TRIP4: variants seen among roughly 807,000 people sequenced by gnomAD.
TRIP4 encodes activating signal cointegrator 1.
TRIP4 carries 54 observed loss-of-function variants against 81.8 expected under a neutral mutation model. The ratio of observed to expected loss-of-function variants is 0.66; its 90% CI spans 0.53 to 0.83. The LOEUF is 0.83. Among genes scored for constraint, TRIP4 ranks in the 40% least tolerant of loss-of-function variants. TRIP4 has a pLI of 0.00. For missense variants in TRIP4, 662 were observed against 683.6 expected (o/e 0.97, Z 0.35); for synonymous variants, 270 against 242.8 (o/e 1.11, Z -1.04).
In TRIP4 at chr15:64,387,874, C is replaced by T. The variant is rs753060339; in HGVS notation, c.11C>T (p.Ala4Val). Residue 4 changes from alanine to valine, a missense_variant, in exon 1 of 13, where the codon GCT becomes GTT. By Grantham distance (64) the Ala-to-Val change is moderately conservative. Transcript: ENST00000261884. MAV[A>V]GAVSGEPLVH... ...TTCCGGCTGGGGAAGATGGCGGTGG[C>T]TGGGGCGGTGTCCGGGGAGCCGCTG... is the stretch of plus-strand genomic sequence containing the variant. 3.0e-5 allele frequency: 47 copies of T among 1,546,578 alleles called. No individual in the cohort carries two copies. The highest frequency in any genetic ancestry group is 1.7e-4 in the Middle Eastern group (1 of 5,766).
At position 64,414,512 on chromosome 15, in the gene TRIP4, C is replaced by T. The variant is rs1222139698; in HGVS notation, c.1170+301C>T. Among the ~76,000 whole-genome samples, 8 of 87,054 alleles carry T rather than the reference C, an allele frequency of 9.2e-5. No individual in the cohort carries two copies. In the East Asian group the frequency reaches 1.2e-3, roughly 13 times the overall value. The allele number at this position is 87,054 out of a possible 152,430, so 57.1% of individuals were successfully genotyped here. On this transcript the variant is annotated intron_variant, in intron 8 of 12. Coordinates refer to ENST00000261884, the MANE Select transcript of TRIP4 (RefSeq NM_016213.5). Reference sequence around the variant, plus strand: ...TGGTTCTTTTGTTAATGCTCTTTCTCTTTTTTTTTTTTTTTTTTTTTTGAG... The same window carrying T: ...TGGTTCTTTTGTTAATGCTCTTTCTTTTTTTTTTTTTTTTTTTTTTTTGAG...
intron 10 of TRIP4, chr15:64,424,452 A>G: frequency 3.6e-6 from 1 of 279,200 alleles, no homozygotes; most frequent in South Asian, 5.5e-5. Flanking sequence ...AAACTCTGAG[A>G]TCCTTACATT....
rs869202504 is a variant in TRIP4, at chr15:64,414,512, C to CTTTTTTT, written c.1170+317_1170+323dup. Among the ~76,000 whole-genome samples, 119 of 87,008 alleles carry CTTTTTTT rather than the reference C, an allele frequency of 1.4e-3. 2 individuals carry two copies. Among genetic ancestry groups the CTTTTTTT allele is most frequent in the Admixed American group, 1.8e-3 (10 of 5,522 alleles). 57.1% of individuals were successfully genotyped at this position (87,008 alleles called of 152,430 possible). On this transcript the variant is annotated intron_variant, in intron 8 of 12. Transcript: ENST00000261884. Reference sequence around the variant, plus strand: ...TGGTTCTTTTGTTAATGCTCTTTCTCTTTTTTTTTTTTTTTTTTTTTTGAG... The same window carrying CTTTTTTT: ...TGGTTCTTTTGTTAATGCTCTTTCTCTTTTTTTTTTTTTTTTTTTTTTTTTTTTTGAG...
At chr15:64,433,949 A>G (rs1176196714) in intron 11 of TRIP4, among the ~76,000 whole-genome samples, 1 of 151,968 alleles carries the variant, frequency 6.6e-6, no homozygotes, top group Non-Finnish European at 1.5e-5. Flanking sequence ...AGTTATCGTT[A>G]GTGTATTTTA....
chr15:64,402,532 T>A (rs986616006), intron 5 of TRIP4, among the ~76,000 whole-genome samples: 11 of 150,746 alleles, frequency 7.3e-5, no homozygotes, highest in African/African-American at 2.7e-4. Flanking sequence ...CATTTTTTTT[T>A]TTTTTTCTGA....
At chr15:64,441,304 G>C (rs1596360935) in intron 11 of TRIP4, among the ~76,000 whole-genome samples, 1 of 151,952 alleles carries the variant, frequency 6.6e-6, no homozygotes, top group African/African-American at 2.4e-5. Flanking sequence ...CCAATTCATT[G>C]CGTTTTTATT....
intron 11 of TRIP4, among the ~76,000 whole-genome samples, chr15:64,436,622 A>C (rs1286642558): frequency 6.6e-6 from 1 of 151,428 alleles, no homozygotes; most frequent in Non-Finnish European, 1.5e-5. Flanking sequence ...TACTCTCTGA[A>C]GTCTTCCCTA....
intron 8 of TRIP4, among the ~76,000 whole-genome samples, chr15:64,416,757 T>C (rs560031316): frequency 6.6e-6 from 1 of 152,290 alleles, no homozygotes; most frequent in Non-Finnish European, 1.5e-5. Context: ...TTTTCATATT[T>C]TATGTCTCCC....
chr15:64,417,079 C>G (rs1468317951), intron 8 of TRIP4, among the ~76,000 whole-genome samples: 1 of 152,126 alleles, frequency 6.6e-6, no homozygotes, highest in African/African-American at 2.4e-5. Flanking sequence ...ATGATCATAG[C>G]TCACTGCAGC....
At chr15:64,396,616 A>G (rs1289334218) in intron 3 of TRIP4, among the ~76,000 whole-genome samples, 2 of 152,016 alleles carry the variant, frequency 1.3e-5, no homozygotes, top group Admixed American at 6.6e-5. Context: ...ATTCATCTCT[A>G]CTCTGGGCAG....
chr15:64,418,232 C>T (rs1361215567), intron 8 of TRIP4, among the ~76,000 whole-genome samples: 2 of 152,138 alleles, frequency 1.3e-5, no homozygotes, highest in Non-Finnish European at 2.9e-5. Flanking sequence ...CTGCCTCTGC[C>T]TCATGAGTAG....
At position 64,436,124 on chromosome 15, in the gene TRIP4, G is replaced by A. The variant is rs1245618133; in HGVS notation, c.1576-8882G>A. Among the ~76,000 whole-genome samples the A allele has an allele frequency of 3.9e-5, 6 of 152,034 alleles. No homozygotes were observed. The East Asian group carries it at 1.2e-3, about 29-fold the overall frequency. ...AGCCTGACCAACATGATGAAACCCT[G>A]TCTCTACTAAAAATACAAAAATTAA... On this transcript the variant is annotated intron_variant, in intron 11 of 12. Coordinates refer to ENST00000261884, the MANE Select transcript of TRIP4 (RefSeq NM_016213.5).
At chr15:64,389,988 C>T (rs1900073706) in intron 1 of TRIP4, among the ~76,000 whole-genome samples, 2 of 149,416 alleles carry the variant, frequency 1.3e-5, no homozygotes, top group Admixed American at 1.3e-4. Flanking sequence ...AGGCATGAGC[C>T]ACCACGCCTG....
intron 6 of TRIP4, among the ~76,000 whole-genome samples, chr15:64,406,712 G>A (rs900848484): frequency 6.6e-6 from 1 of 152,192 alleles, no homozygotes; most frequent in South Asian, 2.1e-4. Flanking sequence ...CCCCTGGACA[G>A]TTATGTGAGT....
intron 12 of TRIP4, chr15:64,450,587 T>A (rs1416387968): frequency 1.1e-5 from 5 of 444,314 alleles, no homozygotes; most frequent in Non-Finnish European, 2.3e-5. Context: ...GCAATCACTC[T>A]GTTAGACGTT....
At chr15:64,434,268 G>A (rs966210830) in intron 11 of TRIP4, among the ~76,000 whole-genome samples, 1 of 151,934 alleles carries the variant, frequency 6.6e-6, no homozygotes, top group Non-Finnish European at 1.5e-5. Flanking sequence ...GCGTGGTGGC[G>A]CATGCCTGTA....
At chr15:64,432,652 C>A (rs144994966) in intron 11 of TRIP4, among the ~76,000 whole-genome samples, 1,679 of 150,694 alleles carry the variant, frequency 0.011, 10 homozygotes, top group South Asian at 0.027. Flanking sequence ...TGACTCACAC[C>A]TTTAATCCCA....
chr15:64,442,927 G>A (rs557458448), intron 11 of TRIP4, among the ~76,000 whole-genome samples: 1 of 151,190 alleles, frequency 6.6e-6, no homozygotes, highest in East Asian at 2.0e-4. Flanking sequence ...GGAGGCAGAG[G>A]TTGCAGTGAG....
At chr15:64,410,769 A>G (rs1425391729) in intron 7 of TRIP4, among the ~76,000 whole-genome samples, 1 of 152,184 alleles carries the variant, frequency 6.6e-6, no homozygotes, top group East Asian at 1.9e-4. Flanking sequence ...AGTTGGAAGA[A>G]AATATTTTAA....
Sources: allele counts gnomAD v4.1 joint callset (sites outside exome capture counted in the v4.1 genomes callset), GRCh38; gene constraint gnomAD v4.1.1; transcripts MANE v1.5; gene names NCBI Gene and HGNC (gene_info 2026-07-23, HGNC 2026-07-21).